The following ANKRD27 variants were observed in gnomAD, a reference collection of about 807,000 sequenced individuals.
ANKRD27 encodes ankyrin repeat domain 27.
A neutral mutation model predicts 129.7 loss-of-function variants in ANKRD27; 112 were observed. The observed-to-expected ratio is 0.86, with a 90% CI of 0.74 to 1.01. The LOEUF is 1.01. ANKRD27 is among the 50% of genes least tolerant of loss of function. ANKRD27 has a pLI of 0.00. For missense variants in ANKRD27, 1,258 were observed against 1,300.5 expected (o/e 0.97, Z 0.50); for synonymous variants, 516 against 511.2 (o/e 1.01, Z -0.13).
chr19:32,650,755 T>TTTA lies in ANKRD27; in HGVS notation c.103-964_103-963insTAA, dbSNP rs1568415575. The stretch of plus-strand genomic sequence containing the variant: ...ATTCTTTTCTTTACGCTTTTATTTA[T>TTTA]TTTTTTTTTTTGGAGACAGTGTCTT... On this transcript the variant is annotated intron_variant, in intron 2 of 28. Coordinates refer to ENST00000306065, the MANE Select transcript of ANKRD27 (RefSeq NM_032139.3). Among the ~76,000 whole-genome samples, 3 of 140,780 alleles carry TTTA rather than the reference T, an allele frequency of 2.1e-5. 1 individual carries two copies. Among genetic ancestry groups the TTTA allele is most frequent in the African/African-American group, 8.0e-5 (3 of 37,708 alleles). The allele number at this position is 140,780 out of a possible 152,430, so 92.4% of individuals were successfully genotyped here.
In ANKRD27 at chr19:32,649,750, A is replaced by C. The variant is rs775123369; in HGVS notation, c.145T>G (p.Ser49Ala). The change falls in exon 3 of 29, where the codon TCT becomes GCT. Residue 49 changes from serine (S) to alanine (A), a missense_variant. Transcript: ENST00000306065. ...ATGTAGGACTCAAACTGACAAGTAG[A>C]CTGGATGCTGCTCGACAGGCTTCCT... ...CKGSLSSSIQ[S>A]TCQFESYILI... 2 of 1,614,116 alleles carry C rather than the reference A, an allele frequency of 1.2e-6. No homozygotes were observed. Among genetic ancestry groups the C allele is most frequent in the Non-Finnish European group, 1.7e-6 (2 of 1,179,998 alleles).
intron 22 of ANKRD27, among the ~76,000 whole-genome samples, chr19:32,610,557 T>C (rs6510266): frequency 0.98 from 147,300 of 150,012 alleles, 72,331 homozygotes; most frequent in East Asian, 1. Context: ...TTTGGGAGGC[T>C]GAGGCAAGCG....
chr19:32,625,853 G>A (rs780972236), intron 17 of ANKRD27, 21 bp downstream of exon 17: 47 of 1,550,440 alleles, frequency 3.0e-5, no homozygotes, highest in Middle Eastern at 1.7e-4. Flanking sequence ...CAGCCCCCCC[G>A]GAACAGCAAG....
Position 32,629,844 on chromosome 19 carries a change from CTTT to C in ANKRD27, c.1210-998_1210-996del, listed in dbSNP as rs548494616. Among the ~76,000 whole-genome samples the C allele has an allele frequency of 9.5e-3, 1,004 of 105,586 alleles. 10 individuals are homozygous for C. The highest frequency in any genetic ancestry group is 0.021 in the African/African-American group (635 of 29,824). The allele number at this position is 105,586 out of a possible 152,430, so 69.3% of individuals were successfully genotyped here. A position where few individuals can be genotyped will look rare whatever the true frequency, so the allele number is the denominator to read the frequency against. ...GCCTCAGCCCTGTTCCTCTTGTGTTCTTTTTTTTTTTTTTTTTTTTTTTCAGTG... is the reference window on the plus strand; with the variant it reads ...GCCTCAGCCCTGTTCCTCTTGTGTTCTTTTTTTTTTTTTTTTTTTTCAGTG... On this transcript the variant is annotated intron_variant, in intron 13 of 28. Coordinates refer to ENST00000306065, the MANE Select transcript of ANKRD27 (RefSeq NM_032139.3).
At position 32,619,355 on chromosome 19, in the gene ANKRD27, A is replaced by G. The variant is rs1474914832; in HGVS notation, c.1912T>C (p.Ser638Pro). 1 of 1,613,672 alleles carries G rather than the reference A, an allele frequency of 6.2e-7. No individual in the cohort carries two copies. Among genetic ancestry groups the G allele is most frequent in the Non-Finnish European group, 8.5e-7 (1 of 1,180,008 alleles). Residue 638 changes from serine to proline, a missense_variant, in exon 20 of 29, where the codon TCC (serine) becomes CCC (proline). Physicochemically the swap from Ser to Pro is moderately conservative, Grantham distance 74 (BLOSUM62 -1). Coordinates refer to ENST00000306065, the MANE Select transcript of ANKRD27 (RefSeq NM_032139.3). The part of the protein sequence containing the change: ...SEAPVQSPQR[S>P]VDSISQESST... ...GACTCTTGGCTGATGGAGTCCACGGAGCGCTGCGGGGACTGCACAGGGGCC... is the reference window on the plus strand; with the variant it reads ...GACTCTTGGCTGATGGAGTCCACGGGGCGCTGCGGGGACTGCACAGGGGCC...
Position 32,643,198 on chromosome 19 carries a change from T to A in ANKRD27, c.707A>T (p.Asp236Val). 1 of 1,614,060 alleles carries A rather than the reference T, an allele frequency of 6.2e-7. No individual in the cohort carries two copies. The highest frequency in any genetic ancestry group is 8.5e-7 in the Non-Finnish European group (1 of 1,180,016). ...KYVGTMEASE[D>V]AAFNKITRSL... ...TCTTGTGATTTTGTTAAAGGCCGCA[T>A]CCTAACAACAGATTTTAACGAACCT... is the stretch of plus-strand genomic sequence containing the variant. The change falls in exon 9 of 29, where the codon GAT becomes GTT. Residue 236 changes from aspartate (D) to valine (V), a missense_variant and splice_region_variant. Asp to Val is a radical substitution (Grantham distance 152, BLOSUM62 -3). Coordinates refer to ENST00000306065, the MANE Select transcript of ANKRD27 (RefSeq NM_032139.3).
At chr19:32,622,923 A>G (rs540031825) in intron 17 of ANKRD27, among the ~76,000 whole-genome samples, 1 of 149,506 alleles carries the variant, frequency 6.7e-6, no homozygotes, top group African/African-American at 2.5e-5. Flanking sequence ...GACTACAAGC[A>G]TGCACCACCA....
chr19:32,649,675 T>C lies in ANKRD27; in HGVS notation c.213+7A>G, dbSNP rs1311400480. ...TGACCCTGGCTGATCCACCAAGAAA[T>C]GAATACCTTTCCATTTAAGGTCTGA... On this transcript the variant is annotated splice_region_variant and intron_variant, in intron 3 of 28. Transcript: ENST00000306065. 1 of 1,594,472 alleles carries C rather than the reference T, an allele frequency of 6.3e-7. No individual in the cohort carries two copies. Among genetic ancestry groups the C allele is most frequent in the African/African-American group, 1.3e-5 (1 of 74,346 alleles).
intron 23 of ANKRD27, 96 bp from the exon 24 acceptor site, chr19:32,606,050 A>C: frequency 9.4e-7 from 1 of 1,066,624 alleles, no homozygotes; most frequent in Non-Finnish European, 1.2e-6. Flanking sequence ...AATAAATAAA[A>C]TAAGAAAACA....
chr19:32,642,291 ACTCAAGTCAGCGG>A, intron 9 of ANKRD27, 146 bp from the exon 10 acceptor site: 1 of 759,028 alleles, frequency 1.3e-6, no homozygotes, highest in Non-Finnish European at 1.9e-6. Flanking sequence ...AAGTCATCTG[ACTCAAGTCAGCGG>A]CAAAACAGAA....
intron 26 of ANKRD27, among the ~76,000 whole-genome samples, chr19:32,601,086 G>A (rs938220335): frequency 2.3e-4 from 35 of 151,868 alleles, no homozygotes; most frequent in African/African-American, 7.7e-4. Flanking sequence ...ATCACTTGAG[G>A]TCAGGAGTTT....
intron 24 of ANKRD27, among the ~76,000 whole-genome samples, chr19:32,605,150 C>T (rs11084665): frequency 0.53 from 80,941 of 151,870 alleles, 22,215 homozygotes; most frequent in Non-Finnish European, 0.61. Flanking sequence ...GCAAGAGGAT[C>T]GTTGGAGCTC....
intron 26 of ANKRD27, 175 bp from the exon 27 acceptor site, chr19:32,600,225 C>A: frequency 2.0e-6 from 1 of 491,788 alleles, no homozygotes; most frequent in South Asian, 2.8e-5. Flanking sequence ...TTGAGTATCT[C>A]CAATCCAAAA....
intron 17 of ANKRD27, among the ~76,000 whole-genome samples, chr19:32,623,333 T>C (rs1972042237): frequency 6.6e-6 from 1 of 152,174 alleles, no homozygotes; most frequent in Admixed American, 6.5e-5. Context: ...AATTGTTTTA[T>C]ACAATGTGGT....
At chr19:32,618,451 GA>G (rs55674756) in intron 20 of ANKRD27, among the ~76,000 whole-genome samples, 12,755 of 100,376 alleles carry the variant, frequency 0.13, 1,908 homozygotes, top group African/African-American at 0.43. Context: ...GTCCCAAAAA[GA>G]AAAAAAAAAA....
chr19:32,626,637 G>A (rs1966888791), intron 16 of ANKRD27, 75 bp downstream of exon 16: 1 of 1,140,854 alleles, frequency 8.8e-7, no homozygotes, highest in African/African-American at 1.6e-5. Context: ...TAGCCAGCAT[G>A]ACCGTACAGT....
intron 1 of ANKRD27, among the ~76,000 whole-genome samples, chr19:32,667,794 T>G (rs1162637518): frequency 7.1e-6 from 1 of 141,726 alleles, no homozygotes; most frequent in Non-Finnish European, 1.5e-5. Flanking sequence ...ATCATGCCAT[T>G]GCACTCCAGC....
intron 2 of ANKRD27, among the ~76,000 whole-genome samples, chr19:32,657,511 C>A (rs1038947337): frequency 6.6e-6 from 1 of 150,674 alleles, no homozygotes; most frequent in Non-Finnish European, 1.5e-5. Context: ...CCTGTAATCC[C>A]GGCTACTCAG....
At position 32,600,037 on chromosome 19, in the gene ANKRD27, C is replaced by G. The variant is rs141361167; in HGVS notation, c.2781G>C (p.Leu927=). 6.0e-5 allele frequency: 96 copies of G among 1,612,106 alleles called. No homozygotes were observed. The East Asian group carries it at 2.1e-3, about 36-fold the overall frequency. The change falls in exon 27 of 29, where the codon CTG becomes CTC. Residue 927 remains leucine, a synonymous_variant. Coordinates refer to ENST00000306065, the MANE Select transcript of ANKRD27 (RefSeq NM_032139.3). ...TAAAAGGCTCATCTGGTAGATCATA[C>G]AGTTTTGAGTTCCCTGTAGATAAAA... The part of the protein sequence containing the change: ...VKIRKKWNSK[L]YDLPDEPFTR...
Sources: gnomAD v4.1 joint callset for allele counts (sites outside exome capture counted in the v4.1 genomes callset) on GRCh38, gnomAD v4.1.1 for gene constraint, MANE v1.5 for transcripts, NCBI Gene and HGNC (gene_info 2026-07-23, HGNC 2026-07-21) for gene names.